The following SLC25A26 variants were observed in gnomAD, a reference collection of about 807,000 sequenced individuals.
SLC25A26 encodes mitochondrial S-adenosylmethionine carrier protein.
In SLC25A26, 36 loss-of-function variants were observed where a neutral mutation model predicts 37.8. The ratio of observed to expected loss-of-function variants is 0.95; its 90% CI spans 0.73 to 1.26. SLC25A26 has a LOEUF of 1.26. Ranked by LOEUF, SLC25A26 falls within the 50% of genes most tolerant of loss-of-function variation. The probability of loss-of-function intolerance (pLI) is 0.00; values close to 1 mark genes in which losing one functional copy is unlikely to be tolerated. For synonymous variants in SLC25A26, 129 were observed against 122.5 expected (o/e 1.05, Z -0.35); for missense variants, 390 against 331.1 (o/e 1.18, Z -1.38).
chr3:66,184,027 C>G (rs2070767326), intron 1 of SLC25A26, among the ~76,000 whole-genome samples: 1 of 152,086 alleles, frequency 6.6e-6, no homozygotes, highest in African/African-American at 2.4e-5. Flanking sequence ...CACCTTGAAC[C>G]TGACCATAAA....
intron 1 of SLC25A26, among the ~76,000 whole-genome samples, chr3:66,159,536 G>T (rs144682969): frequency 3.9e-5 from 6 of 152,282 alleles, no homozygotes; most frequent in Non-Finnish European, 8.8e-5. Flanking sequence ...AACCAATAAA[G>T]CATGTCCTGC....
chr3:66,147,248 C>T (rs183922629), intron 1 of SLC25A26, among the ~76,000 whole-genome samples: 2 of 151,398 alleles, frequency 1.3e-5, no homozygotes, highest in East Asian at 3.9e-4. Flanking sequence ...ACTGCAACCT[C>T]AACCTCCTGG....
chr3:66,358,177 C>T (rs983029311), intron 6 of SLC25A26, among the ~76,000 whole-genome samples: 6 of 152,154 alleles, frequency 3.9e-5, no homozygotes, highest in Admixed American at 1.3e-4. Context: ...TATTACAATT[C>T]TGTTGTCCCT....
chr3:66,357,843 ACTG>A (rs2076611868), intron 6 of SLC25A26, among the ~76,000 whole-genome samples: 1 of 152,206 alleles, frequency 6.6e-6, no homozygotes, highest in African/African-American at 2.4e-5. Flanking sequence ...GAGGAAACAG[ACTG>A]CTATTTGCAG....
intron 5 of SLC25A26, among the ~76,000 whole-genome samples, chr3:66,334,263 A>G (rs1210897630): frequency 6.6e-6 from 1 of 152,122 alleles, no homozygotes; most frequent in African/African-American, 2.4e-5. Flanking sequence ...GACTTAGCCA[A>G]TGGAGTATGA....
Position 66,336,814 on chromosome 3 carries a change from C to CATATGT in SLC25A26, c.454-9543_454-9538dup, listed in dbSNP as rs545332630. ...AGGAAGCCAATGAAAATAAGTGGAA[C>CATATGT]ATATGTATATGTGTGTGTGTGTAGA... is the stretch of plus-strand genomic sequence containing the variant. On this transcript the variant is annotated intron_variant, in intron 5 of 9. Transcript: ENST00000354883. Among the ~76,000 whole-genome samples, 12 of 152,208 alleles carry CATATGT rather than the reference C, an allele frequency of 7.9e-5. No individual in the cohort carries two copies. The East Asian group carries it at 2.3e-3, about 29-fold the overall frequency.
chr3:66,277,463 A>G (rs896900498), intron 5 of SLC25A26, among the ~76,000 whole-genome samples: 3 of 152,056 alleles, frequency 2.0e-5, no homozygotes, highest in Admixed American at 1.3e-4. Context: ...ATGTTGTTCA[A>G]AGGGTACAAA....
intron 2 of SLC25A26, 75 bp from the exon 3 acceptor site, chr3:66,243,116 ATTGTCATACTTT>A (rs1378921337): frequency 1.0e-5 from 7 of 671,424 alleles, no homozygotes; most frequent in Middle Eastern, 4.0e-4. Flanking sequence ...TTTAATAATT[ATTGTCATACTTT>A]TTGAGAAACA....
At chr3:66,365,230 A>G (rs2076799345) in intron 7 of SLC25A26, among the ~76,000 whole-genome samples, 1 of 152,200 alleles carries the variant, frequency 6.6e-6, no homozygotes, top group Non-Finnish European at 1.5e-5. Flanking sequence ...CAGAAATCAG[A>G]TTTCTCATCC....
At chr3:66,152,305 G>C (rs1370387077) in intron 1 of SLC25A26, among the ~76,000 whole-genome samples, 2 of 152,192 alleles carry the variant, frequency 1.3e-5, no homozygotes, top group Non-Finnish European at 2.9e-5. Flanking sequence ...TAACATAGTT[G>C]CAAGAGGATA....
chr3:66,313,283 C>G (rs114037200), intron 5 of SLC25A26, among the ~76,000 whole-genome samples: 1 of 152,004 alleles, frequency 6.6e-6, no homozygotes, highest in African/African-American at 2.4e-5. Context: ...GTCTTTGATC[C>G]ATCTTGAGTT....
intron 1 of SLC25A26, among the ~76,000 whole-genome samples, chr3:66,157,514 T>A (rs916486324): frequency 6.6e-6 from 1 of 152,234 alleles, no homozygotes; most frequent in African/African-American, 2.4e-5. Flanking sequence ...GTTATCCCCA[T>A]TTTACAAGTG....
At chr3:66,351,593 C>T (rs2076455161) in intron 6 of SLC25A26, among the ~76,000 whole-genome samples, 1 of 152,134 alleles carries the variant, frequency 6.6e-6, no homozygotes, top group South Asian at 2.1e-4. Context: ...CTCTGAGTGG[C>T]AGCCTCAGAT....
intron 1 of SLC25A26, among the ~76,000 whole-genome samples, chr3:66,147,822 G>T (rs62245239): frequency 2.0e-5 from 3 of 151,940 alleles, no homozygotes; most frequent in Non-Finnish European, 4.4e-5. Context: ...ACAGTGGCAC[G>T]ATCTCAGTTC....
At chr3:66,147,270 C>A (rs1446806225) in intron 1 of SLC25A26, among the ~76,000 whole-genome samples, 3 of 150,578 alleles carry the variant, frequency 2.0e-5, no homozygotes, top group African/African-American at 7.3e-5. Context: ...TTCAAGCGAT[C>A]CTCCCGCCTC....
chr3:66,280,741 C>T (rs2074308516), intron 5 of SLC25A26, among the ~76,000 whole-genome samples: 1 of 151,546 alleles, frequency 6.6e-6, no homozygotes, highest in East Asian at 1.9e-4. Context: ...TATTTTTTTT[C>T]CCCAGGATTC....
chr3:66,312,104 C>A (rs911436288), intron 5 of SLC25A26, among the ~76,000 whole-genome samples: 2 of 152,190 alleles, frequency 1.3e-5, no homozygotes, highest in African/African-American at 4.8e-5. Flanking sequence ...CTGCCTGTTC[C>A]CCCAGGTGCC....
chr3:66,278,617 TC>T (rs1180741909), intron 5 of SLC25A26, among the ~76,000 whole-genome samples: 1 of 152,144 alleles, frequency 6.6e-6, no homozygotes, highest in East Asian at 1.9e-4. Context: ...CCCTGTCTCA[TC>T]CTAGCATTCC....
At chr3:66,312,364 AGAATGCTTTGCT>A (rs1343349830) in intron 5 of SLC25A26, among the ~76,000 whole-genome samples, 1 of 152,150 alleles carries the variant, frequency 6.6e-6, no homozygotes, top group African/African-American at 2.4e-5. Context: ...GGTCGACTTC[AGAATGCTTTGCT>A]GGCAGCAAGA....
Sources: gnomAD v4.1 joint callset for allele counts (sites outside exome capture counted in the v4.1 genomes callset) on GRCh38, gnomAD v4.1.1 for gene constraint, MANE v1.5 for transcripts, NCBI Gene and HGNC (gene_info 2026-07-23, HGNC 2026-07-21) for gene names.